ARB2A: variants seen among roughly 807,000 people sequenced by gnomAD.
The protein encoded by ARB2A is ARB2 cotranscriptional regulator A.
At chr5:94,106,870 G>GAAAAAAAAA in the ARB2A span, among the ~76,000 whole-genome samples, 76 of 57,356 alleles carry the variant, frequency 1.3e-3, no homozygotes, top group East Asian at 2.2e-3. Context: ...AATCAATGCA[G>GAAAAAAAAA]AAAAAAAAAA....
the ARB2A span, among the ~76,000 whole-genome samples, chr5:93,867,317 T>A: frequency 2.6e-5 from 4 of 152,232 alleles, no homozygotes; most frequent in South Asian, 4.1e-4. Context: ...TCCAAACTGA[T>A]AGTTCTGTAA....
chr5:93,963,096 C>A, the ARB2A span, among the ~76,000 whole-genome samples: 1 of 151,958 alleles, frequency 6.6e-6, no homozygotes, highest in Non-Finnish European at 1.5e-5. Flanking sequence ...CTTTAAATAT[C>A]ATTCTTCAGA....
At chr5:94,004,926 C>G in the ARB2A span, among the ~76,000 whole-genome samples, 1 of 140,302 alleles carries the variant, frequency 7.1e-6, no homozygotes, top group Non-Finnish European at 1.5e-5. Flanking sequence ...AAGGCAAGGT[C>G]TATCACCACC....
the ARB2A span, among the ~76,000 whole-genome samples, chr5:93,818,918 T>C: frequency 5.9e-5 from 9 of 152,130 alleles, no homozygotes; most frequent in African/African-American, 2.2e-4. Flanking sequence ...CCGGGCGCGG[T>C]GGCTCACGCC....
the ARB2A span, among the ~76,000 whole-genome samples, chr5:94,043,287 T>A: frequency 6.6e-6 from 1 of 152,192 alleles, no homozygotes; most frequent in East Asian, 1.9e-4. Flanking sequence ...ACACTGCTGA[T>A]CTTTTCGTTT....
chr5:94,053,622 G>A, the ARB2A span, among the ~76,000 whole-genome samples: 26,252 of 152,046 alleles, frequency 0.17, 2,610 homozygotes, highest in Admixed American at 0.29. Context: ...AATGTAAATA[G>A]TATTAATATA....
the ARB2A span, among the ~76,000 whole-genome samples, chr5:93,649,966 G>A: frequency 2.2e-3 from 328 of 152,028 alleles, no homozygotes; most frequent in African/African-American, 7.6e-3. Context: ...AATATGACAG[G>A]ATCCAGAGAC....
At chr5:93,849,642 T>C in the ARB2A span, among the ~76,000 whole-genome samples, 1 of 152,170 alleles carries the variant, frequency 6.6e-6, no homozygotes, top group African/African-American at 2.4e-5. Context: ...TATAATACTT[T>C]GGTGAATCCA....
At chr5:93,948,460 G>T in the ARB2A span, among the ~76,000 whole-genome samples, 1 of 152,026 alleles carries the variant, frequency 6.6e-6, no homozygotes, top group Non-Finnish European at 1.5e-5. Flanking sequence ...TTTGTAGGCT[G>T]CCTGTTCACT....
At chr5:93,816,651 A>C in the ARB2A span, among the ~76,000 whole-genome samples, 138,021 of 152,034 alleles carry the variant, frequency 0.91, 63,068 homozygotes, top group East Asian at 1. Flanking sequence ...ATTCCAATGG[A>C]GTAATATGGG....
the ARB2A span, among the ~76,000 whole-genome samples, chr5:93,877,793 G>T: frequency 6.6e-6 from 1 of 152,110 alleles, no homozygotes; most frequent in African/African-American, 2.4e-5. Flanking sequence ...AACGTGGGTT[G>T]TAAGTGGATA....
chr5:94,101,218 T>C, the ARB2A span, among the ~76,000 whole-genome samples: 2 of 152,162 alleles, frequency 1.3e-5, no homozygotes. Context: ...ATATCACTGA[T>C]CATTAGAGAA....
chr5:93,844,803 ATAT>A, the ARB2A span, among the ~76,000 whole-genome samples: 33 of 152,240 alleles, frequency 2.2e-4, no homozygotes, highest in Non-Finnish European at 3.5e-4. Flanking sequence ...CACTACAACT[ATAT>A]TATCATTTAA....
At chr5:94,070,497 T>A in the ARB2A span, among the ~76,000 whole-genome samples, 1 of 152,074 alleles carries the variant, frequency 6.6e-6, no homozygotes, top group African/African-American at 2.4e-5. Flanking sequence ...CTTAAAATGT[T>A]CCCAACACAT....
At chr5:93,715,731 C>G in the ARB2A span, among the ~76,000 whole-genome samples, 4 of 150,448 alleles carry the variant, frequency 2.7e-5, no homozygotes, top group Non-Finnish European at 5.9e-5. Flanking sequence ...AAATTTGGCA[C>G]GCAATTTCCT....
chr5:93,677,610 C>T, the ARB2A span, among the ~76,000 whole-genome samples: 1 of 152,196 alleles, frequency 6.6e-6, no homozygotes, highest in Non-Finnish European at 1.5e-5. Context: ...TGAGATACAT[C>T]AGGGACTAGC....
chr5:93,975,131 G>C, the ARB2A span, among the ~76,000 whole-genome samples: 3 of 151,774 alleles, frequency 2.0e-5, no homozygotes, highest in Non-Finnish European at 4.4e-5. Flanking sequence ...TGGCTAACAT[G>C]GTGAAACTCT....
chr5:93,936,395 G>C, the ARB2A span, among the ~76,000 whole-genome samples: 168 of 152,198 alleles, frequency 1.1e-3, no homozygotes, highest in African/African-American at 3.9e-3. Flanking sequence ...TTTGTTCTCT[G>C]CCTTTGGATT....
chr5:93,958,718 CAT>C, the ARB2A span: 1 of 1,196,340 alleles, frequency 8.4e-7, no homozygotes. Context: ...AACATAAAAA[CAT>C]ATAATAAAAC....
Sources: gnomAD v4.1 joint callset for allele counts (sites outside exome capture counted in the v4.1 genomes callset) on GRCh38, gnomAD v4.1.1 for gene constraint, MANE v1.5 for transcripts, NCBI Gene and HGNC (gene_info 2026-07-23, HGNC 2026-07-21) for gene names.